ADAMTS16: variants seen among roughly 807,000 people sequenced by gnomAD.
The protein encoded by ADAMTS16 is ADAM metallopeptidase with thrombospondin type 1 motif 16.
Under a neutral mutation model 145.8 loss-of-function variants are expected in ADAMTS16, and 94 were observed. The observed-to-expected ratio is 0.64, with a 90% CI of 0.55 to 0.77. The LOEUF is 0.77. ADAMTS16 is among the 30% of genes least tolerant of loss of function. The pLI, the probability that ADAMTS16 is intolerant of heterozygous loss-of-function variation, is 0.00. For synonymous variants in ADAMTS16, 659 were observed against 604.3 expected (o/e 1.09, Z -1.33); for missense variants, 1,585 against 1,591.5 (o/e 1.00, Z 0.07).
rs1337842326 is a variant in ADAMTS16 at position 5,173,240 on chromosome 5, T to C, written c.502-8804T>C. Among the ~76,000 whole-genome samples the C allele has an allele frequency of 3.3e-5, 5 of 151,966 alleles. 1 individual carries two copies. The highest frequency in any genetic ancestry group is 1.5e-5 in the Non-Finnish European group (1 of 67,970). On this transcript the variant is annotated intron_variant, in intron 3 of 22. Transcript: ENST00000274181. ...TCTTTTGGCTGGAGAATTTAGTCCATTTACATTCAATTTTATTATTGATAA... is the reference window on the plus strand; with the variant it reads ...TCTTTTGGCTGGAGAATTTAGTCCACTTACATTCAATTTTATTATTGATAA...
chr5:5,211,324 A>G (rs1321765891), intron 10 of ADAMTS16, among the ~76,000 whole-genome samples: 1 of 152,178 alleles, frequency 6.6e-6, no homozygotes, highest in African/African-American at 2.4e-5. Flanking sequence ...AAATCATTAA[A>G]AGTGACACTA....
chr5:5,228,725 T>C (rs534403441), intron 11 of ADAMTS16, among the ~76,000 whole-genome samples: 1 of 152,304 alleles, frequency 6.6e-6, no homozygotes, highest in South Asian at 2.1e-4. Context: ...CCCATCTAAT[T>C]AGGAATAAAT....
chr5:5,204,398 A>G (rs1224736216), intron 9 of ADAMTS16, among the ~76,000 whole-genome samples: 1 of 152,190 alleles, frequency 6.6e-6, no homozygotes, highest in Non-Finnish European at 1.5e-5. Context: ...TTTTGGCATG[A>G]TGAACGCAAT....
chr5:5,144,749 T>TA (rs1426915183), intron 2 of ADAMTS16, among the ~76,000 whole-genome samples: 1 of 152,216 alleles, frequency 6.6e-6, no homozygotes, highest in East Asian at 1.9e-4. Flanking sequence ...TAGAAGGCTA[T>TA]ACATCTCCTG....
Position 5,306,512 on chromosome 5 carries a change from G to A in ADAMTS16, c.3195G>A (p.Val1065=). The A allele has an allele frequency of 6.2e-7, 1 of 1,612,832 alleles. No homozygotes were observed. The highest frequency in any genetic ancestry group is 8.5e-7 in the Non-Finnish European group (1 of 1,178,986). The change falls in exon 21 of 23, where the codon GTG becomes GTA. Residue 1065 remains valine (V), a synonymous_variant. Transcript: ENST00000274181. ...TGTTCTCTTCTTTTTAGTGCTCTGT[G>A]ACATGTGAAAGAGGAACACAGAAAA... The part of the protein sequence containing the change: ...WLVSAWSQCS[V]TCERGTQKRF...
At chr5:5,252,082 T>G (rs974974385) in intron 17 of ADAMTS16, among the ~76,000 whole-genome samples, 2 of 152,118 alleles carry the variant, frequency 1.3e-5, no homozygotes, top group South Asian at 4.1e-4. Context: ...ATCTCCTGAC[T>G]TCGTGATCCG....
At chr5:5,149,346 C>CCT (rs111520216) in intron 3 of ADAMTS16, among the ~76,000 whole-genome samples, 19,247 of 152,138 alleles carry the variant, frequency 0.13, 1,473 homozygotes, top group Middle Eastern at 0.27. Flanking sequence ...CACTCAGGTA[C>CCT]TTTCCAGTAC....
At chr5:5,226,844 T>C (rs1736779685) in intron 11 of ADAMTS16, among the ~76,000 whole-genome samples, 1 of 152,198 alleles carries the variant, frequency 6.6e-6, no homozygotes, top group African/African-American at 2.4e-5. Context: ...GCAGTCCCCA[T>C]TGGACATTCC....
intron 3 of ADAMTS16, among the ~76,000 whole-genome samples, chr5:5,161,288 G>T (rs1165375081): frequency 6.6e-5 from 10 of 152,144 alleles, no homozygotes; most frequent in Non-Finnish European, 1.0e-4. Flanking sequence ...CTCTAAAATG[G>T]ATTAGAGTTG....
intron 21 of ADAMTS16, among the ~76,000 whole-genome samples, chr5:5,313,623 T>A (rs1156562690): frequency 6.6e-6 from 1 of 152,142 alleles, no homozygotes. Context: ...TTTGGTCAAT[T>A]TGTGACCAGG....
At chr5:5,229,283 C>T (rs1381803821) in intron 11 of ADAMTS16, among the ~76,000 whole-genome samples, 10 of 120,728 alleles carry the variant, frequency 8.3e-5, no homozygotes, top group African/African-American at 1.4e-4. Context: ...CCGGCCTGGG[C>T]GACAGAGCGA....
At chr5:5,230,096 A>C (rs1434682463) in intron 11 of ADAMTS16, among the ~76,000 whole-genome samples, 1 of 152,190 alleles carries the variant, frequency 6.6e-6, no homozygotes, top group African/African-American at 2.4e-5. Context: ...CAATTGCCTG[A>C]TTATAGCAGA....
chr5:5,175,525 G>T (rs1560934723), intron 3 of ADAMTS16, among the ~76,000 whole-genome samples: 1 of 152,134 alleles, frequency 6.6e-6, no homozygotes, highest in Non-Finnish European at 1.5e-5. Context: ...GTCTCATTAA[G>T]TTGCATGCCC....
At chr5:5,205,918 T>C (rs1394216927) in intron 9 of ADAMTS16, among the ~76,000 whole-genome samples, 1 of 152,244 alleles carries the variant, frequency 6.6e-6, no homozygotes, top group Non-Finnish European at 1.5e-5. Flanking sequence ...TTTCTTGACA[T>C]TTATTTCACA....
intron 3 of ADAMTS16, among the ~76,000 whole-genome samples, chr5:5,162,099 C>T (rs189272990): frequency 2.6e-5 from 4 of 152,096 alleles, no homozygotes; most frequent in Admixed American, 2.6e-4. Context: ...TAGACGTATG[C>T]ATGTTAAAGT....
intron 18 of ADAMTS16, among the ~76,000 whole-genome samples, chr5:5,285,891 C>A (rs540067884): frequency 3.9e-4 from 59 of 152,278 alleles, no homozygotes; most frequent in African/African-American, 1.4e-3. Flanking sequence ...TCAGTAGAAC[C>A]TTTTCTTTAC....
chr5:5,229,158 C>A (rs956748618), intron 11 of ADAMTS16, among the ~76,000 whole-genome samples: 1 of 151,332 alleles, frequency 6.6e-6, no homozygotes. Context: ...ATTAGCCGGG[C>A]GCGGTGGCGG....
chr5:5,315,208 T>C (rs995965308), intron 21 of ADAMTS16, among the ~76,000 whole-genome samples: 2 of 152,060 alleles, frequency 1.3e-5, no homozygotes, highest in African/African-American at 4.8e-5. Context: ...TCATGAGAAT[T>C]CTCTCACTAT....
At chr5:5,291,538 G>C (rs567133352) in intron 18 of ADAMTS16, among the ~76,000 whole-genome samples, 35 of 152,302 alleles carry the variant, frequency 2.3e-4, no homozygotes, top group African/African-American at 7.7e-4. Flanking sequence ...TCCCCTTTGC[G>C]GAGGAGAGAA....
Sources: gnomAD v4.1 joint callset for allele counts (sites outside exome capture counted in the v4.1 genomes callset) on GRCh38, gnomAD v4.1.1 for gene constraint, MANE v1.5 for transcripts, NCBI Gene and HGNC (gene_info 2026-07-23, HGNC 2026-07-21) for gene names.